The following TRPC7 variants were observed in gnomAD, a reference collection of about 807,000 sequenced individuals.
The protein encoded by TRPC7 is transient receptor potential cation channel subfamily C member 7.
A neutral mutation model predicts 90.1 loss-of-function variants in TRPC7; 42 were observed. The ratio of observed to expected loss-of-function variants is 0.47; its 90% CI spans 0.36 to 0.60. TRPC7 has a LOEUF of 0.60. Ranked by LOEUF, TRPC7 falls within the 20% of genes least tolerant of loss-of-function variation. TRPC7 has a pLI of 0.00. For missense variants in TRPC7, 955 were observed against 1,112.3 expected, an observed-to-expected ratio of 0.86 and a Z score of 2.01; for synonymous variants, 451 against 436.3, an observed-to-expected ratio of 1.03 and a Z score of -0.42.
chr5:136,216,268 A>C lies in TRPC7; in HGVS notation c.2351T>G (p.Met784Arg). ...LSKPTRYQKI[M>R]KRLIKRYVLK... is the part of the protein sequence containing the mutation. Reference sequence around the variant, plus strand: ...GACGTATCTTTTTATGAGCCGTTTCATGATTTTCTGAAATGCCAAGCAAGG... The same window carrying C: ...GACGTATCTTTTTATGAGCCGTTTCCTGATTTTCTGAAATGCCAAGCAAGG... The change falls in exon 11 of 12, where the codon ATG becomes AGG. Residue 784 changes from methionine to arginine, a missense_variant. Coordinates refer to ENST00000513104, the MANE Select transcript of TRPC7 (RefSeq NM_020389.3). The C allele has an allele frequency of 6.2e-7, 1 of 1,612,608 alleles. No homozygotes were observed. Among genetic ancestry groups the C allele is most frequent in the South Asian group, 1.1e-5 (1 of 90,616 alleles).
intron 3 of TRPC7, among the ~76,000 whole-genome samples, chr5:136,292,856 T>G (rs1241828316): frequency 5.3e-5 from 8 of 152,188 alleles, no homozygotes; most frequent in South Asian, 2.1e-4. Context: ...GAGAATTTTA[T>G]ACCAATATCC....
chr5:136,359,977 C>G (rs1376335003), intron 1 of TRPC7, among the ~76,000 whole-genome samples: 1 of 152,100 alleles, frequency 6.6e-6, no homozygotes. Flanking sequence ...AGATACGAAA[C>G]AGCAGCTGTC....
At chr5:136,244,094 A>G (rs1321767473) in intron 7 of TRPC7, among the ~76,000 whole-genome samples, 1 of 151,986 alleles carries the variant, frequency 6.6e-6, no homozygotes, top group African/African-American at 2.4e-5. Flanking sequence ...TGGCTAGGTC[A>G]GCCCTACTCT....
In TRPC7 at chr5:136,297,148, C is replaced by T. The variant is rs143162004; in HGVS notation, c.963+18449G>A. ...CTGGCTCAGAAGCCATGAACCTCCT[C>T]CTGTTCCATGGTTTCCCACACCATT... is the stretch of plus-strand genomic sequence containing the variant. On this transcript the variant is annotated intron_variant, in intron 3 of 11. Transcript: ENST00000513104. Among the ~76,000 whole-genome samples the T allele has an allele frequency of 2.6e-5, 4 of 152,202 alleles. No individual in the cohort carries two copies. The South Asian group carries it at 8.3e-4, about 31-fold the overall frequency.
chr5:136,248,516 G>C (rs764748572), intron 6 of TRPC7, among the ~76,000 whole-genome samples: 7 of 152,186 alleles, frequency 4.6e-5, no homozygotes, highest in Non-Finnish European at 8.8e-5. Context: ...GGAATCTAAA[G>C]GATCTTGCCT....
At chr5:136,322,018 G>A (rs1338263834) in intron 2 of TRPC7, among the ~76,000 whole-genome samples, 4 of 151,366 alleles carry the variant, frequency 2.6e-5, no homozygotes, top group Non-Finnish European at 2.9e-5. Flanking sequence ...TCCTGTACAA[G>A]ATTTTTTTTT....
chr5:136,296,294 G>A (rs911252905), intron 3 of TRPC7, among the ~76,000 whole-genome samples: 5 of 152,208 alleles, frequency 3.3e-5, no homozygotes, highest in Non-Finnish European at 5.9e-5. Flanking sequence ...TGCTTGCAAA[G>A]TGCAGATGAA....
At chr5:136,215,822 C>A (rs937227047) in intron 11 of TRPC7, among the ~76,000 whole-genome samples, 289 of 115,112 alleles carry the variant, frequency 2.5e-3, no homozygotes, top group South Asian at 2.8e-3. Context: ...GACTCCATCT[C>A]AAAAAAAAAA....
chr5:136,307,973 C>T (rs1346690582), intron 3 of TRPC7, among the ~76,000 whole-genome samples: 2 of 152,006 alleles, frequency 1.3e-5, no homozygotes, highest in South Asian at 2.1e-4. Context: ...AAATCAAGGC[C>T]CAGAAGACAA....
intron 3 of TRPC7, among the ~76,000 whole-genome samples, chr5:136,312,972 C>CTTTT (rs34840823): frequency 3.9e-4 from 38 of 97,008 alleles, no homozygotes; most frequent in African/African-American, 6.1e-4. Context: ...AGTAGTGATT[C>CTTTT]TTTTTTTTTT....
At chr5:136,255,769 G>T (rs1033646899) in intron 5 of TRPC7, among the ~76,000 whole-genome samples, 2 of 152,138 alleles carry the variant, frequency 1.3e-5, no homozygotes, top group African/African-American at 4.8e-5. Context: ...TATAAAGTAC[G>T]TTCTGTTATT....
At chr5:136,267,535 T>C (rs1397985490) in intron 4 of TRPC7, among the ~76,000 whole-genome samples, 1 of 152,158 alleles carries the variant, frequency 6.6e-6, no homozygotes, top group Admixed American at 6.5e-5. Flanking sequence ...AGACTGTTGG[T>C]TCAACAGAAG....
At chr5:136,224,678 G>A (rs908611696) in intron 10 of TRPC7, among the ~76,000 whole-genome samples, 2 of 152,154 alleles carry the variant, frequency 1.3e-5, no homozygotes, top group Non-Finnish European at 2.9e-5. Flanking sequence ...CATTATAGCA[G>A]TTAGGTGGTT....
intron 7 of TRPC7, 71 bp from the exon 8 acceptor site, chr5:136,231,620 CT>C: frequency 7.1e-7 from 1 of 1,400,598 alleles, no homozygotes; most frequent in Non-Finnish European, 9.6e-7. Flanking sequence ...ATTCATTTAT[CT>C]TGAGACAGGG....
chr5:136,360,260 G>A (rs1760527343), intron 1 of TRPC7, among the ~76,000 whole-genome samples: 1 of 151,850 alleles, frequency 6.6e-6, no homozygotes, highest in Non-Finnish European at 1.5e-5. Context: ...GGATATTCAA[G>A]CATTGTTTGT....
chr5:136,359,809 G>T (rs1760512024), intron 1 of TRPC7, among the ~76,000 whole-genome samples: 1 of 152,012 alleles, frequency 6.6e-6, no homozygotes, highest in African/African-American at 2.4e-5. Flanking sequence ...TAGAAGATGA[G>T]CCCAAAGAAG....
chr5:136,342,356 G>A (rs1759871273), intron 2 of TRPC7, among the ~76,000 whole-genome samples: 1 of 152,230 alleles, frequency 6.6e-6, no homozygotes, highest in Non-Finnish European at 1.5e-5. Context: ...GAGGGGTGCA[G>A]ACTGCTGGGT....
intron 3 of TRPC7, among the ~76,000 whole-genome samples, chr5:136,292,729 G>T (rs1204663433): frequency 6.6e-6 from 1 of 152,168 alleles, no homozygotes; most frequent in African/African-American, 2.4e-5. Context: ...GGAGGAGCTG[G>T]TACCATTCCT....
chr5:136,251,315 A>C (rs1756510524), intron 6 of TRPC7, among the ~76,000 whole-genome samples: 2 of 152,262 alleles, frequency 1.3e-5, no homozygotes, highest in South Asian at 4.1e-4. Context: ...TCCTGGATGC[A>C]CATCAGAAAC....
Sources: gnomAD v4.1 joint callset for allele counts (sites outside exome capture counted in the v4.1 genomes callset) on GRCh38, gnomAD v4.1.1 for gene constraint, MANE v1.5 for transcripts, NCBI Gene and HGNC (gene_info 2026-07-23, HGNC 2026-07-21) for gene names.